The following METTL8 variants were observed in gnomAD, a reference collection of about 807,000 sequenced individuals.
METTL8 encodes tRNA N(3)-cytidine methyltransferase METTL8, mitochondrial.
Under a neutral mutation model 48.7 loss-of-function variants are expected in METTL8, and 32 were observed. The observed-to-expected ratio is 0.66, with a 90% CI of 0.50 to 0.88. METTL8 has a LOEUF of 0.88. METTL8 is among the 40% of genes least tolerant of loss of function. The probability of loss-of-function intolerance (pLI) is 0.00; values close to 1 mark genes in which losing one functional copy is unlikely to be tolerated. For synonymous variants in METTL8, 136 were observed against 157.1 expected (o/e 0.87, Z 1.01); for missense variants, 464 against 474.4 (o/e 0.98, Z 0.20).
chr2:171,319,324 C>T lies in METTL8; in HGVS notation c.*4848G>A, dbSNP rs1445320629. Reference sequence around the variant, plus strand: ...AGGCAGGAAGCAGGAGGAGCAGAGGCTTTGAAAGAGGTCGATTAGTGATGC... The same window carrying T: ...AGGCAGGAAGCAGGAGGAGCAGAGGTTTTGAAAGAGGTCGATTAGTGATGC... On this transcript the variant is annotated 3_prime_UTR_variant, in exon 10 of 10. Transcript: ENST00000375258. 1.3e-5 allele frequency: 2 copies of T among 152,214 alleles called. No homozygotes were observed. Among genetic ancestry groups the T allele is most frequent in the East Asian group, 3.8e-4 (2 of 5,202 alleles). The allele number at this position is 152,214 out of a possible 1,614,324, so 9.4% of individuals were successfully genotyped here.
chr2:171,434,572 G>T (rs1340770388), upstream of METTL8: 2 of 1,525,798 alleles, frequency 1.3e-6, no homozygotes, highest in Non-Finnish European at 1.8e-6. Flanking sequence ...CCCGGCCCGC[G>T]CCTCCATGGG....
At chr2:171,367,904 G>A (rs1248963865) in intron 2 of METTL8, among the ~76,000 whole-genome samples, 2 of 152,122 alleles carry the variant, frequency 1.3e-5, no homozygotes, top group African/African-American at 4.8e-5. Flanking sequence ...ACCCTTTGAG[G>A]TGGACCACTA....
chr2:171,381,293 C>T (rs1366608961), intron 2 of METTL8, among the ~76,000 whole-genome samples: 1 of 152,096 alleles, frequency 6.6e-6, no homozygotes, highest in African/African-American at 2.4e-5. Context: ...AACCAAAAAA[C>T]ATAAAAACCC....
chr2:171,428,534 T>C (rs370433602), intron 1 of METTL8, among the ~76,000 whole-genome samples: 2 of 152,322 alleles, frequency 1.3e-5, no homozygotes, highest in East Asian at 3.9e-4. Context: ...ATAGATTCTA[T>C]ACAAACATAT....
intron 4 of METTL8, among the ~76,000 whole-genome samples, chr2:171,338,562 C>A (rs1341600269): frequency 6.6e-6 from 1 of 151,714 alleles, no homozygotes; most frequent in Non-Finnish European, 1.5e-5. Context: ...ATTGCTTGAA[C>A]CCGGGAGGCA....
intron 1 of METTL8, among the ~76,000 whole-genome samples, chr2:171,425,539 C>T (rs542815614): frequency 2.6e-5 from 4 of 152,262 alleles, no homozygotes; most frequent in East Asian, 1.9e-4. Flanking sequence ...TAGTGGGCAA[C>T]GTCTCAGAGC....
intron 2 of METTL8, among the ~76,000 whole-genome samples, chr2:171,364,691 C>G (rs757300612): frequency 6.6e-6 from 1 of 152,184 alleles, no homozygotes; most frequent in African/African-American, 2.4e-5. Flanking sequence ...CACACACACA[C>G]ACCCCAATTA....
chr2:171,369,230 C>T (rs868260750), intron 2 of METTL8, among the ~76,000 whole-genome samples: 19 of 152,162 alleles, frequency 1.2e-4, no homozygotes, highest in African/African-American at 3.9e-4. Flanking sequence ...GGCATGAACC[C>T]GGCAGGCGGG....
chr2:171,351,361 T>C (rs1445553946), intron 3 of METTL8, among the ~76,000 whole-genome samples: 2 of 152,248 alleles, frequency 1.3e-5, no homozygotes, highest in East Asian at 1.9e-4. Flanking sequence ...TTTTGGTTAC[T>C]GTAGGCTTGT....
intron 1 of METTL8, among the ~76,000 whole-genome samples, chr2:171,421,950 C>G (rs1263128522): frequency 1.3e-5 from 2 of 152,200 alleles, no homozygotes; most frequent in South Asian, 4.1e-4. Flanking sequence ...CCATCCCAAT[C>G]AAAATTTCAA....
At position 171,337,453 on chromosome 2, in the gene METTL8, T is replaced by C. The variant is rs1353208198; in HGVS notation, c.656A>G (p.Glu219Gly). 6.9e-6 allele frequency: 11 copies of C among 1,598,614 alleles called. No homozygotes were observed. The highest frequency in any genetic ancestry group is 8.5e-6 in the Non-Finnish European group (10 of 1,171,590). ...NSVFPILNTL[E>G]NSPESFLYCC... ...TAGAAAGAAAACTCTTAAAACTCAC[T>C]CCAAAGTGTTCAAAATTGGAAACAC... Residue 219 changes from glutamate (E) to glycine (G), a missense_variant and splice_region_variant, in exon 5 of 10, where the codon GAG becomes GGG. Glu to Gly is a moderately conservative substitution (Grantham distance 98). Coordinates refer to ENST00000375258, the MANE Select transcript of METTL8 (RefSeq NM_001321154.2).
chr2:171,415,332 TTAATA>T (rs898391042), intron 1 of METTL8, among the ~76,000 whole-genome samples: 8 of 151,520 alleles, frequency 5.3e-5, no homozygotes, highest in African/African-American at 1.9e-4. Context: ...CATTTTCTTC[TTAATA>T]TATCTCGAAA....
chr2:171,337,066 CA>C (rs1333600898), intron 5 of METTL8, among the ~76,000 whole-genome samples: 1 of 151,886 alleles, frequency 6.6e-6, no homozygotes, highest in Non-Finnish European at 1.5e-5. Context: ...GGTGTTTCAC[CA>C]TGTTGGTCAG....
chr2:171,425,280 T>C (rs754899827), intron 1 of METTL8, among the ~76,000 whole-genome samples: 2 of 152,174 alleles, frequency 1.3e-5, no homozygotes, highest in Non-Finnish European at 2.9e-5. Flanking sequence ...AGTAATTAAG[T>C]ACCTAGGTAT....
intron 1 of METTL8, among the ~76,000 whole-genome samples, chr2:171,425,436 C>T (rs916344014): frequency 6.6e-6 from 1 of 152,184 alleles, no homozygotes; most frequent in Non-Finnish European, 1.5e-5. Context: ...TTATGTAAGA[C>T]CTCATCTTAG....
At chr2:171,384,092 T>C (rs1257149200) in intron 2 of METTL8, among the ~76,000 whole-genome samples, 2 of 152,198 alleles carry the variant, frequency 1.3e-5, no homozygotes, top group Non-Finnish European at 2.9e-5. Flanking sequence ...AACAATGGAA[T>C]ATCATTCAGC....
In METTL8 at chr2:171,337,434, G is replaced by T. The variant is rs114287855; in HGVS notation, c.656+19C>A. ...ATAAATATGTAAAATTCTGTAGAAA[G>T]AAAACTCTTAAAACTCACTCCAAAG... On this transcript the variant is annotated intron_variant, in intron 5 of 9. Coordinates refer to ENST00000375258, the MANE Select transcript of METTL8 (RefSeq NM_001321154.2). The T allele has an allele frequency of 1.3e-3, 2,083 of 1,564,964 alleles. 18 individuals carry two copies. The African/African-American group carries it at 0.021, about 16-fold the overall frequency.
intron 1 of METTL8, among the ~76,000 whole-genome samples, chr2:171,419,858 T>TA (rs1045117092): frequency 1.3e-5 from 2 of 151,966 alleles, no homozygotes; most frequent in Non-Finnish European, 2.9e-5. Flanking sequence ...TCCACCACCC[T>TA]AAAAAAATCC....
At chr2:171,327,580 TG>T (rs1488708330) in intron 7 of METTL8, among the ~76,000 whole-genome samples, 3 of 152,090 alleles carry the variant, frequency 2.0e-5, no homozygotes, top group Non-Finnish European at 4.4e-5. Context: ...CACTGTTCAG[TG>T]GAATAGTAAG....
Sources: allele counts gnomAD v4.1 joint callset (sites outside exome capture counted in the v4.1 genomes callset), GRCh38; gene constraint gnomAD v4.1.1; transcripts MANE v1.5; gene names NCBI Gene and HGNC (gene_info 2026-07-23, HGNC 2026-07-21).